GRAMD1B: variants seen among roughly 807,000 people sequenced by gnomAD.
The protein encoded by GRAMD1B is GRAM domain containing 1B.
GRAMD1B carries 37 observed loss-of-function variants against 99.7 expected under a neutral mutation model. That is an observed-to-expected ratio of 0.37 (90% confidence interval 0.29 to 0.49). GRAMD1B has a LOEUF of 0.49. Among genes scored for constraint, GRAMD1B ranks in the 20% least tolerant of loss-of-function variants. GRAMD1B has a pLI of 0.98. For synonymous variants in GRAMD1B, 427 were observed against 387.6 expected, an observed-to-expected ratio of 1.10 and a Z score of -1.19; for missense variants, 888 against 1,009.2, an observed-to-expected ratio of 0.88 and a Z score of 1.63.
chr11:123,398,956 C>T (rs1947561512), intron 1 of GRAMD1B, among the ~76,000 whole-genome samples: 1 of 152,234 alleles, frequency 6.6e-6, no homozygotes, highest in African/African-American at 2.4e-5. Context: ...AACATAATAT[C>T]TACCTTCTTA....
chr11:123,554,349 A>G (rs903034058), intron 2 of GRAMD1B, among the ~76,000 whole-genome samples: 3 of 152,126 alleles, frequency 2.0e-5, no homozygotes, highest in Non-Finnish European at 4.4e-5. Context: ...TGAGGGTCCC[A>G]TAAGACAGAA....
At chr11:123,539,280 A>T (rs1010930058) in intron 2 of GRAMD1B, among the ~76,000 whole-genome samples, 7 of 152,230 alleles carry the variant, frequency 4.6e-5, no homozygotes, top group African/African-American at 1.7e-4. Context: ...CAGCTGTCAT[A>T]CAAGTAACAT....
intron 1 of GRAMD1B, among the ~76,000 whole-genome samples, chr11:123,467,833 C>CCTTCCTTCCTTCCTTCCTTCCTT (rs201070086): frequency 0.014 from 1,401 of 98,236 alleles, 4 homozygotes; most frequent in South Asian, 0.037. Context: ...CTCCCTCCCT[C>CCTTCCTTCCTTCCTTCCTTCCTT]CCTCCCTCCC....
intron 1 of GRAMD1B, among the ~76,000 whole-genome samples, chr11:123,415,757 C>G (rs1300483769): frequency 6.6e-6 from 1 of 152,036 alleles, no homozygotes; most frequent in African/African-American, 2.4e-5. Flanking sequence ...AATGGACTAA[C>G]TTTGTCATTA....
intron 1 of GRAMD1B, among the ~76,000 whole-genome samples, chr11:123,411,886 C>A (rs1295053709): frequency 6.6e-6 from 1 of 152,050 alleles, no homozygotes; most frequent in East Asian, 1.9e-4. Flanking sequence ...TGGGCTCAAG[C>A]AATCCGCCTG....
intron 12 of GRAMD1B, 26 bp downstream of exon 12, chr11:123,608,828 C>G (rs912198495): frequency 1.4e-6 from 2 of 1,385,058 alleles, no homozygotes; most frequent in Non-Finnish European, 2.0e-6. Flanking sequence ...ACTGTACCCC[C>G]CATTCCTCCC....
chr11:123,613,395 C>T (rs1247238736), intron 15 of GRAMD1B, 60 bp from the exon 16 acceptor site: 1 of 1,221,052 alleles, frequency 8.2e-7, no homozygotes, highest in Non-Finnish European at 1.2e-6. Flanking sequence ...AATGGTTCTG[C>T]AGAGAGTTGC....
intron 1 of GRAMD1B, among the ~76,000 whole-genome samples, chr11:123,422,696 C>A (rs1948492529): frequency 6.6e-6 from 1 of 152,222 alleles, no homozygotes; most frequent in Non-Finnish European, 1.5e-5. Context: ...GAGAAGCGAT[C>A]AAACCATGCT....
intron 1 of GRAMD1B, among the ~76,000 whole-genome samples, chr11:123,410,018 C>T (rs975566805): frequency 6.6e-6 from 1 of 152,064 alleles, no homozygotes; most frequent in African/African-American, 2.4e-5. Flanking sequence ...AATGTGTTCT[C>T]CATCTCTGCC....
At chr11:123,512,701 A>ACCT in intron 2 of GRAMD1B, among the ~76,000 whole-genome samples, 1 of 111,792 alleles carries the variant, frequency 8.9e-6, no homozygotes, top group African/African-American at 3.6e-5. Flanking sequence ...AGCATTGTGA[A>ACCT]TCTTTTTTTT....
intron 1 of GRAMD1B, chr11:123,435,474 G>C: frequency 1.4e-6 from 1 of 702,780 alleles, no homozygotes; most frequent in Non-Finnish European, 2.6e-6. Flanking sequence ...TTGAAAATAT[G>C]AAGAGGATTA....
In GRAMD1B at chr11:123,462,262, G is replaced by T. The variant is rs10893042; in HGVS notation, c.375-18554G>T. Among the ~76,000 whole-genome samples, 6 of 152,124 alleles carry T rather than the reference G, an allele frequency of 3.9e-5. No homozygotes were observed. In the East Asian group the frequency reaches 5.8e-4, roughly 15 times the overall value. ...GATTACAGGTGTGAGCCACCGTGCCGGGCCAGTCATTTGTTTATTTCTATG... is the reference window on the plus strand; with the variant it reads ...GATTACAGGTGTGAGCCACCGTGCCTGGCCAGTCATTTGTTTATTTCTATG... On this transcript the variant is annotated intron_variant, in intron 1 of 19. Coordinates refer to ENST00000635736, the MANE Select transcript of GRAMD1B (RefSeq NM_001387025.1).
upstream of GRAMD1B, among the ~76,000 whole-genome samples, chr11:123,426,519 C>G (rs1226285174): frequency 6.6e-6 from 1 of 152,216 alleles, no homozygotes. Flanking sequence ...TTTCCAGCTT[C>G]CCTGCCAGCC....
intron 2 of GRAMD1B, among the ~76,000 whole-genome samples, chr11:123,522,138 G>A (rs61123830): frequency 0.37 from 56,001 of 151,808 alleles, 10,508 homozygotes; most frequent in East Asian, 0.44. Flanking sequence ...CCTAGAGGTT[G>A]TGTTAGTGCT....
chr11:123,460,987 G>C (rs752798340), intron 1 of GRAMD1B, among the ~76,000 whole-genome samples: 3 of 151,974 alleles, frequency 2.0e-5, no homozygotes, highest in African/African-American at 7.3e-5. Flanking sequence ...TTCCCACCTC[G>C]TGACCTTTTG....
intron 1 of GRAMD1B, among the ~76,000 whole-genome samples, chr11:123,359,058 TCTC>T (rs1194799837): frequency 6.6e-6 from 1 of 152,126 alleles, no homozygotes. Context: ...AGATAGATTA[TCTC>T]CTCCATGAAT....
intron 2 of GRAMD1B, among the ~76,000 whole-genome samples, chr11:123,491,313 A>G (rs886961831): frequency 1.8e-4 from 27 of 152,140 alleles, no homozygotes; most frequent in East Asian, 5.8e-4. Context: ...TGTTCCAGAA[A>G]TATGTCCCCA....
Position 123,430,469 on chromosome 11 carries a change from G to A in GRAMD1B, c.-324G>A. On this transcript the variant is annotated 5_prime_UTR_variant, in exon 1 of 20. Coordinates refer to ENST00000635736, the MANE Select transcript of GRAMD1B (RefSeq NM_001387025.1). ...ACGCCAGCAAGCGAGGAAGCGCAGCGGAAGAAAAACAAGCGGGCGCGCGAG... is the reference window on the plus strand; with the variant it reads ...ACGCCAGCAAGCGAGGAAGCGCAGCAGAAGAAAAACAAGCGGGCGCGCGAG... 2.9e-6 allele frequency: 1 copy of A among 340,470 alleles called. No homozygotes were observed. The highest frequency in any genetic ancestry group is 5.3e-5 in the East Asian group (1 of 18,916). 21.1% of individuals were successfully genotyped at this position (340,470 alleles called of 1,614,324 possible).
At chr11:123,613,134 A>G in intron 15 of GRAMD1B, 1 of 558,280 alleles carries the variant, frequency 1.8e-6, no homozygotes, top group Non-Finnish European at 3.2e-6. Context: ...CCACAGACCT[A>G]GTGATATAGG....
Sources: gnomAD v4.1 joint callset for allele counts (sites outside exome capture counted in the v4.1 genomes callset) on GRCh38, gnomAD v4.1.1 for gene constraint, MANE v1.5 for transcripts, NCBI Gene and HGNC (gene_info 2026-07-23, HGNC 2026-07-21) for gene names.